The following NGLY1 variants were observed in gnomAD, a reference collection of about 807,000 sequenced individuals.
NGLY1 encodes N-glycanase 1, also known as peptide-N(4)-(N-acetyl-beta-glucosaminyl)asparagine amidase.
A neutral mutation model predicts 84.6 loss-of-function variants in NGLY1; 68 were observed. The observed-to-expected ratio is 0.80, with a 90% confidence interval of 0.66 to 0.98. The LOEUF is 0.98. Among genes scored for constraint, NGLY1 ranks in the 50% least tolerant of loss-of-function variants. The pLI, the probability that NGLY1 is intolerant of heterozygous loss-of-function variation, is 0.00. For missense variants in NGLY1, 779 were observed against 770.2 expected (o/e 1.01, Z -0.14); for synonymous variants, 280 against 275.2 (o/e 1.02, Z -0.17).
At chr3:25,767,629 G>C (rs1460670920) in intron 2 of NGLY1, among the ~76,000 whole-genome samples, 1 of 152,112 alleles carries the variant, frequency 6.6e-6, no homozygotes, top group Non-Finnish European at 1.5e-5. Flanking sequence ...TCATAAAAAA[G>C]AATGCAGCCT....
rs138822526 is a variant in NGLY1, at chr3:25,765,668, C to T, written c.247-1357G>A. On this transcript the variant is annotated intron_variant, in intron 2 of 11. Coordinates refer to ENST00000280700, the MANE Select transcript of NGLY1 (RefSeq NM_018297.4). ...AGCTGGATTAGACCAGCAAGCTCCACGTATGATTCATAATTGCTATAAAAA... is the reference window on the plus strand; with the variant it reads ...AGCTGGATTAGACCAGCAAGCTCCATGTATGATTCATAATTGCTATAAAAA... 3.4e-4 allele frequency among the ~76,000 whole-genome samples: 52 copies of T among 152,204 alleles called. No individual in the cohort carries two copies. The East Asian group carries it at 9.1e-3, about 27-fold the overall frequency.
intron 3 of NGLY1, among the ~76,000 whole-genome samples, chr3:25,759,842 T>C (rs539402708): frequency 6.6e-6 from 1 of 152,066 alleles, no homozygotes; most frequent in East Asian, 1.9e-4. Flanking sequence ...AAAAGTACAA[T>C]GTGTATAATT....
intron 2 of NGLY1, among the ~76,000 whole-genome samples, chr3:25,774,981 T>C (rs1708088314): frequency 6.6e-6 from 1 of 152,190 alleles, no homozygotes. Context: ...TTCTCGCTGC[T>C]TGTTCTACTT....
At chr3:25,764,916 T>C (rs1707490343) in intron 2 of NGLY1, among the ~76,000 whole-genome samples, 1 of 152,102 alleles carries the variant, frequency 6.6e-6, no homozygotes. Flanking sequence ...TTAACAGTAA[T>C]AGGAAGGTAA....
intron 8 of NGLY1, 120 bp from the exon 9 acceptor site, chr3:25,732,603 T>A: frequency 3.2e-6 from 2 of 616,132 alleles, no homozygotes; most frequent in Non-Finnish European, 5.4e-6. Flanking sequence ...GTACTGAATT[T>A]TATTTTCAAA....
At chr3:25,755,816 G>A in intron 3 of NGLY1, 1 of 536,128 alleles carries the variant, frequency 1.9e-6, no homozygotes. Context: ...GATCTCTTTA[G>A]TAAACACACA....
chr3:25,783,079 C>T lies in NGLY1; in HGVS notation c.131+181G>A, dbSNP rs1358299122. 1.8e-6 allele frequency: 1 copy of T among 568,654 alleles called. No individual in the cohort carries two copies. The highest frequency in any genetic ancestry group is 3.1e-6 in the Non-Finnish European group (1 of 323,358). The allele number at this position is 568,654 out of a possible 1,614,324, so 35.2% of individuals were successfully genotyped here. A position where few individuals can be genotyped will look rare whatever the true frequency, so the allele number is the denominator to read the frequency against. ...TTTCTCGAGCGGGGGTGGGACTTGG[C>T]CGGGTCCCGAGGCCCCTGGCCGGCG... On this transcript the variant is annotated intron_variant, in intron 1 of 11. Transcript: ENST00000280700. The surrounding 1 kb of genome is among the most constrained non-coding windows in gnomAD (Gnocchi z 4.5).
Position 25,729,219 on chromosome 3 carries a change from T to C in NGLY1, c.1525A>G (p.Asn509Asp), listed in dbSNP as rs1337509224. 24 of 1,567,080 alleles carry C rather than the reference T, an allele frequency of 1.5e-5. No homozygotes were observed. The highest frequency in any genetic ancestry group is 2.0e-5 in the Non-Finnish European group (23 of 1,153,220). ...IVKDRYVRVS[N>D]NNQTISGWEN... is the part of the protein sequence containing the mutation. ...CATCCAGAAATGGTTTGATTGTTAT[T>C]TGAAACTCGAACATAACGATCTTTC... Residue 509 changes from asparagine to aspartate, a missense_variant, in exon 10 of 12, where the codon AAT (asparagine) becomes GAT (aspartate). By Grantham distance (23) the Asn-to-Asp change is conservative. Coordinates refer to ENST00000280700, the MANE Select transcript of NGLY1 (RefSeq NM_018297.4).
chr3:25,745,196 A>C (rs1040788598), intron 4 of NGLY1, among the ~76,000 whole-genome samples: 2 of 152,132 alleles, frequency 1.3e-5, no homozygotes, highest in African/African-American at 4.8e-5. Context: ...GTTGTCACTA[A>C]CTTGTGGTTA....
rs750989160 is a variant in NGLY1 at position 25,737,366 on chromosome 3, C to T, written c.971G>A (p.Gly324Glu). The T allele has an allele frequency of 1.1e-5, 17 of 1,613,662 alleles. 1 individual carries two copies. The South Asian group carries it at 1.8e-4, about 17-fold the overall frequency. The change falls in exon 6 of 12, where the codon GGG becomes GAG. Residue 324 changes from glycine (G) to glutamate (E), a missense_variant. By Grantham distance (98) the Gly-to-Glu change is moderately conservative. Coordinates refer to ENST00000280700, the MANE Select transcript of NGLY1 (RefSeq NM_018297.4). Reference sequence around the variant, plus strand: ...ATCCCAAACATAGCGAGCTTCAAACCCTACAGCTCGGCAGCACAGTGTAAA... The same window carrying T: ...ATCCCAAACATAGCGAGCTTCAAACTCTACAGCTCGGCAGCACAGTGTAAA... Reference protein sequence around the residue: ...NCFTLCCRAVGFEARYVWDYT... With the variant: ...NCFTLCCRAVEFEARYVWDYT...
chr3:25,738,152 G>A (rs1705936779), intron 5 of NGLY1, among the ~76,000 whole-genome samples: 1 of 152,168 alleles, frequency 6.6e-6, no homozygotes. Context: ...TAAAGCATTA[G>A]CACTAAAGTG....
intron 2 of NGLY1, among the ~76,000 whole-genome samples, chr3:25,767,942 G>A (rs542700088): frequency 1.0e-3 from 152 of 150,812 alleles, no homozygotes; most frequent in African/African-American, 3.4e-3. Flanking sequence ...GCGAAACCCC[G>A]TCTCTACTAA....
In NGLY1 at chr3:25,720,063, T is replaced by C. The variant is rs554503189; in HGVS notation, c.1740A>G (p.Thr580=). 162 of 1,613,934 alleles carry C rather than the reference T, an allele frequency of 1.0e-4. 3 individuals are homozygous for C. In the South Asian group the frequency reaches 1.1e-3, roughly 11 times the overall value. The change falls in exon 11 of 12, where the codon ACA becomes ACG. Residue 580 remains threonine (T), a synonymous_variant. Coordinates refer to ENST00000280700, the MANE Select transcript of NGLY1 (RefSeq NM_018297.4). The part of the protein sequence containing the change: ...RTSSQTFQTG[T]VEWKLRSDTA... The stretch of plus-strand genomic sequence containing the variant: ...TATCAGATCGCAATTTCCATTCTAC[T>C]GTTCCAGTCTGAAAAGTTTGACTAC...
At chr3:25,770,243 C>T (rs1353300519) in intron 2 of NGLY1, among the ~76,000 whole-genome samples, 1 of 152,154 alleles carries the variant, frequency 6.6e-6, no homozygotes, top group Non-Finnish European at 1.5e-5. Context: ...CTCCGCCTCC[C>T]GGGTTCTAGT....
At chr3:25,738,008 A>G (rs1404058449) in intron 5 of NGLY1, among the ~76,000 whole-genome samples, 1 of 152,238 alleles carries the variant, frequency 6.6e-6, no homozygotes, top group East Asian at 1.9e-4. Context: ...GAATGTGATC[A>G]AACAATACAA....
chr3:25,749,364 G>T (rs1046510190), intron 4 of NGLY1: 5 of 604,494 alleles, frequency 8.3e-6, no homozygotes, highest in South Asian at 1.9e-5. Context: ...ATGAATAAAT[G>T]AATAAATGGA....
chr3:25,735,004 G>C, intron 7 of NGLY1: 2 of 321,326 alleles, frequency 6.2e-6, no homozygotes, highest in Non-Finnish European at 9.0e-6. Context: ...AATAAATGGT[G>C]CTAGAACAAT....
At chr3:25,757,094 G>C (rs967333702) in intron 3 of NGLY1, among the ~76,000 whole-genome samples, 27 of 152,174 alleles carry the variant, frequency 1.8e-4, no homozygotes, top group African/African-American at 6.5e-4. Context: ...TCTTAGGCTA[G>C]TGCTTGATAT....
At chr3:25,764,900 G>C (rs1707489865) in intron 2 of NGLY1, among the ~76,000 whole-genome samples, 1 of 152,086 alleles carries the variant, frequency 6.6e-6, no homozygotes, top group Non-Finnish European at 1.5e-5. Context: ...CCAAAACTAT[G>C]GATGGTTAAC....
Sources: allele counts gnomAD v4.1 joint callset (sites outside exome capture counted in the v4.1 genomes callset), GRCh38; gene constraint gnomAD v4.1.1; non-coding constraint Gnocchi (gnomAD v3.1); transcripts MANE v1.5; gene names NCBI Gene and HGNC (gene_info 2026-07-23, HGNC 2026-07-21).